Variants in L3MBTL4 observed in about 807,000 individuals in gnomAD.
L3MBTL4 encodes lethal(3)malignant brain tumor-like protein 4.
In L3MBTL4, 70 loss-of-function variants were observed where a neutral mutation model predicts 84.5. The ratio of observed to expected loss-of-function variants is 0.83; its 90% CI spans 0.68 to 1.01. L3MBTL4 has a LOEUF of 1.01. L3MBTL4 is among the 50% of genes least tolerant of loss of function. L3MBTL4 has a pLI of 0.00. For synonymous variants in L3MBTL4, 274 were observed against 259.8 expected, an observed-to-expected ratio of 1.05 and a Z score of -0.52; for missense variants, 715 against 754.8, an observed-to-expected ratio of 0.95 and a Z score of 0.62.
At chr18:6,084,636 A>G (rs1371167753) in intron 15 of L3MBTL4, among the ~76,000 whole-genome samples, 2 of 152,202 alleles carry the variant, frequency 1.3e-5, no homozygotes, top group African/African-American at 4.8e-5. Flanking sequence ...CATTCTGCAG[A>G]GATGGTTTCT....
At chr18:6,075,153 A>C (rs999108493) in intron 16 of L3MBTL4, among the ~76,000 whole-genome samples, 2 of 152,156 alleles carry the variant, frequency 1.3e-5, no homozygotes, top group African/African-American at 4.8e-5. Context: ...AAATCAGAGT[A>C]GTTTGTATGA....
At chr18:5,982,120 G>A (rs997769398) in intron 16 of L3MBTL4, among the ~76,000 whole-genome samples, 2 of 152,074 alleles carry the variant, frequency 1.3e-5, no homozygotes, top group African/African-American at 2.4e-5. Context: ...GGATAATGAA[G>A]GAATAGAATT....
intron 1 of L3MBTL4, among the ~76,000 whole-genome samples, chr18:6,313,773 C>A (rs1018539513): frequency 5.3e-5 from 8 of 152,064 alleles, no homozygotes; most frequent in Non-Finnish European, 1.0e-4. Context: ...ATCTCAATAA[C>A]CTTGATTTGT....
chr18:6,225,852 A>C (rs2046761614), intron 10 of L3MBTL4, among the ~76,000 whole-genome samples: 1 of 152,120 alleles, frequency 6.6e-6, no homozygotes, highest in Admixed American at 6.6e-5. Context: ...ATGAACAGGA[A>C]ACCTTTCAAC....
At chr18:6,259,776 A>G (rs987124207) in intron 5 of L3MBTL4, 2 of 152,084 alleles carry the variant, frequency 1.3e-5, no homozygotes, top group African/African-American at 4.8e-5. Flanking sequence ...TGCTGTGCAG[A>G]AGCCCTTTAG....
At chr18:6,206,927 C>T (rs996153669) in intron 12 of L3MBTL4, among the ~76,000 whole-genome samples, 1 of 152,068 alleles carries the variant, frequency 6.6e-6, no homozygotes, top group Non-Finnish European at 1.5e-5. Flanking sequence ...ACTATTTATA[C>T]TAAAGGTAAC....
chr18:6,192,696 A>G (rs1444930305), intron 12 of L3MBTL4, among the ~76,000 whole-genome samples: 2 of 152,180 alleles, frequency 1.3e-5, no homozygotes, highest in Non-Finnish European at 2.9e-5. Flanking sequence ...AGTCAGCACC[A>G]AGGTTCAGGT....
chr18:5,967,730 A>G (rs564974374), intron 17 of L3MBTL4, among the ~76,000 whole-genome samples: 1 of 152,348 alleles, frequency 6.6e-6, no homozygotes, highest in South Asian at 2.1e-4. Flanking sequence ...GGAAGTGAGC[A>G]TGGAGCCCCA....
In L3MBTL4 at chr18:5,997,782, C is replaced by CA. The variant is rs1331946121; in HGVS notation, c.1445-28221dup. 2.0e-5 allele frequency among the ~76,000 whole-genome samples: 3 copies of CA among 152,102 alleles called. No individual in the cohort carries two copies. In the East Asian group the frequency reaches 5.8e-4, roughly 29 times the overall value. On this transcript the variant is annotated intron_variant, in intron 16 of 18. Transcript: ENST00000317931. ...GTCACCAACGCGTCCTTAACCTTGGCAAAATAAACTTTCTAAATTGGTTGA... is the reference window on the plus strand; with the variant it reads ...GTCACCAACGCGTCCTTAACCTTGGCAAAAATAAACTTTCTAAATTGGTTGA...
intron 4 of L3MBTL4, among the ~76,000 whole-genome samples, chr18:6,270,644 G>A (rs1339193244): frequency 6.6e-6 from 1 of 152,214 alleles, no homozygotes; most frequent in Non-Finnish European, 1.5e-5. Context: ...AATCCAGGGA[G>A]AAGCAGCATG....
intron 10 of L3MBTL4, among the ~76,000 whole-genome samples, 157 bp downstream of exon 10, chr18:6,237,807 C>T (rs1379521922): frequency 2.0e-5 from 3 of 152,116 alleles, no homozygotes; most frequent in Non-Finnish European, 4.4e-5. Flanking sequence ...TAAGGAAATG[C>T]AGGTTTCAGA....
At chr18:6,196,298 C>T (rs927740463) in intron 12 of L3MBTL4, among the ~76,000 whole-genome samples, 1 of 151,912 alleles carries the variant, frequency 6.6e-6, no homozygotes, top group Admixed American at 6.6e-5. Flanking sequence ...GCTGGGACTA[C>T]AGGCGCCCGC....
chr18:6,114,870 C>A (rs2059308952), intron 14 of L3MBTL4, among the ~76,000 whole-genome samples: 1 of 151,892 alleles, frequency 6.6e-6, no homozygotes, highest in Non-Finnish European at 1.5e-5. Flanking sequence ...TCAAAGGATA[C>A]CTGCAACGGT....
chr18:6,013,943 G>A (rs187536538), intron 16 of L3MBTL4, among the ~76,000 whole-genome samples: 18 of 152,248 alleles, frequency 1.2e-4, no homozygotes, highest in East Asian at 5.8e-4. Context: ...AAGTCACTCC[G>A]TTTTCTCATA....
At position 6,260,689 on chromosome 18, in the gene L3MBTL4, T is replaced by A. The variant is rs148497055; in HGVS notation, c.219+3258A>T. On this transcript the variant is annotated intron_variant, in intron 5 of 18. Coordinates refer to ENST00000317931, the MANE Select transcript of L3MBTL4 (RefSeq NM_001330559.2). Reference sequence around the variant, plus strand: ...CAGTCCCAGGAGCCTTTTGGCAGAATCTTTAGGGTTTTCTAAGCATAGAAT... The same window carrying A: ...CAGTCCCAGGAGCCTTTTGGCAGAAACTTTAGGGTTTTCTAAGCATAGAAT... 10 of 152,196 alleles carry A rather than the reference T, an allele frequency of 6.6e-5. No homozygotes were observed. In the East Asian group the frequency reaches 1.7e-3, roughly 26 times the overall value. The allele number at this position is 152,196 out of a possible 1,614,324, so 9.4% of individuals were successfully genotyped here.
chr18:6,237,949 A>T lies in L3MBTL4; in HGVS notation c.784+15T>A, dbSNP rs757818849. 17 of 1,610,712 alleles carry T rather than the reference A, an allele frequency of 1.1e-5. No individual in the cohort carries two copies. In the South Asian group the frequency reaches 1.9e-4, roughly 18 times the overall value. On this transcript the variant is annotated intron_variant, in intron 10 of 18. Coordinates refer to ENST00000317931, the MANE Select transcript of L3MBTL4 (RefSeq NM_001330559.2). The stretch of plus-strand genomic sequence containing the variant: ...ACAGAGATGACTTCAAAGAAAACCC[A>T]GGCAGTCCACTCACCTTGGGGTGCT...
intron 17 of L3MBTL4, among the ~76,000 whole-genome samples, chr18:5,963,039 T>C (rs1261849404): frequency 6.6e-6 from 1 of 152,162 alleles, no homozygotes; most frequent in Non-Finnish European, 1.5e-5. Context: ...GCTCACTTTT[T>C]CATAGTGTCA....
intron 16 of L3MBTL4, among the ~76,000 whole-genome samples, chr18:6,005,644 CTA>C (rs1256740856): frequency 6.6e-6 from 1 of 152,132 alleles, no homozygotes. Flanking sequence ...CCCGCTTCAT[CTA>C]TGTTTCTGCA....
chr18:6,069,350 G>A (rs61287250), intron 16 of L3MBTL4, among the ~76,000 whole-genome samples: 16,684 of 152,236 alleles, frequency 0.11, 1,265 homozygotes, highest in African/African-American at 0.19. Flanking sequence ...CTCCAGCCAC[G>A]AGGTGGCATT....
Sources: gnomAD v4.1 joint callset for allele counts (sites outside exome capture counted in the v4.1 genomes callset) on GRCh38, gnomAD v4.1.1 for gene constraint, MANE v1.5 for transcripts, NCBI Gene and HGNC (gene_info 2026-07-23, HGNC 2026-07-21) for gene names.